The following CPT1A variants were observed in gnomAD, a reference collection of about 807,000 sequenced individuals.
The protein encoded by CPT1A is carnitine O-palmitoyltransferase 1, liver isoform.
Under a neutral mutation model 100.8 loss-of-function variants are expected in CPT1A, and 64 were observed. The observed-to-expected ratio is 0.63, with a 90% CI of 0.52 to 0.78. CPT1A has a LOEUF of 0.78. CPT1A is among the 30% of genes least tolerant of loss of function. CPT1A has a pLI of 0.00. For synonymous variants in CPT1A, 363 were observed against 396.0 expected (o/e 0.92, Z 0.99); for missense variants, 802 against 1,034.1 (o/e 0.78, Z 3.08).
chr11:68,782,671 T>A (rs957514742), intron 10 of CPT1A, among the ~76,000 whole-genome samples: 2 of 152,124 alleles, frequency 1.3e-5, no homozygotes, highest in African/African-American at 4.8e-5. Context: ...TCACTCCAGC[T>A]CCTCCAGGAC....
intron 3 of CPT1A, among the ~76,000 whole-genome samples, chr11:68,811,040 T>C (rs1468718745): frequency 2.0e-5 from 3 of 152,204 alleles, no homozygotes; most frequent in Non-Finnish European, 4.4e-5. Flanking sequence ...TTTACGTCTC[T>C]TTTTCTGCCG....
chr11:68,806,821 T>C (rs1190793136), intron 4 of CPT1A, among the ~76,000 whole-genome samples: 2 of 151,796 alleles, frequency 1.3e-5, no homozygotes, highest in South Asian at 2.1e-4. Context: ...CCCAGAAACT[T>C]GGGAGGCTGA....
chr11:68,827,728 G>C lies in CPT1A; in HGVS notation c.-13-12241C>G, dbSNP rs372682368. 7.9e-5 allele frequency among the ~76,000 whole-genome samples: 12 copies of C among 152,036 alleles called. 1 individual carries two copies. In the East Asian group the frequency reaches 1.7e-3, roughly 22 times the overall value. The stretch of plus-strand genomic sequence containing the variant: ...CTCCTCTCCCTGTCCCCAGAATGCG[G>C]GGCTCATCTTTCCCTACGTATTTGA... On this transcript the variant is annotated intron_variant, in intron 1 of 18. Coordinates refer to ENST00000265641, the MANE Select transcript of CPT1A (RefSeq NM_001876.4).
rs778544683 is a variant in CPT1A, at chr11:68,762,627, C to T, written c.1875G>A (p.Thr625=). Residue 625 remains threonine (T), a splice_region_variant and synonymous_variant, in exon 15 of 19, where the codon ACG becomes ACA. Coordinates refer to ENST00000265641, the MANE Select transcript of CPT1A (RefSeq NM_001876.4). ...FVRAMVDPAQ[T]VEQRLKLFKL... ...TGTCCTCAGCCTGATGGCACATTAC[C>T]GTCTGGGCCGGGTCCACCATGGCCC... 5.6e-6 allele frequency: 9 copies of T among 1,613,522 alleles called. No individual in the cohort carries two copies. Among genetic ancestry groups the T allele is most frequent in the South Asian group, 1.1e-5 (1 of 91,074 alleles).
intron 9 of CPT1A, among the ~76,000 whole-genome samples, chr11:68,790,219 C>T (rs1323218420): frequency 6.6e-6 from 1 of 152,020 alleles, no homozygotes; most frequent in Non-Finnish European, 1.5e-5. Flanking sequence ...CACAGGTACA[C>T]ACCACTATGT....
intron 5 of CPT1A, among the ~76,000 whole-genome samples, chr11:68,801,487 G>T (rs541600649): frequency 6.6e-6 from 1 of 151,964 alleles, no homozygotes; most frequent in Non-Finnish European, 1.5e-5. Flanking sequence ...AAAATTAGCC[G>T]GGTGTGGTGG....
At chr11:68,824,656 C>T (rs1856675009) in intron 1 of CPT1A, among the ~76,000 whole-genome samples, 2 of 152,160 alleles carry the variant, frequency 1.3e-5, no homozygotes, top group African/African-American at 4.8e-5. Flanking sequence ...GCTCTGGGTT[C>T]AAGCAATCCT....
chr11:68,817,251 A>G (rs1014719079), intron 1 of CPT1A, among the ~76,000 whole-genome samples: 2 of 151,882 alleles, frequency 1.3e-5, no homozygotes, highest in African/African-American at 4.8e-5. Flanking sequence ...TCTGAAGGTG[A>G]GATCAAAATC....
intron 5 of CPT1A, among the ~76,000 whole-genome samples, chr11:68,801,923 A>C (rs1333407993): frequency 6.6e-6 from 1 of 152,158 alleles, no homozygotes; most frequent in Non-Finnish European, 1.5e-5. Context: ...AGGTGGATAA[A>C]CTGTGGTCCT....
At chr11:68,793,449 G>C (rs1855672730) in intron 8 of CPT1A, 47 bp from the exon 9 acceptor site, 3 of 1,509,854 alleles carry the variant, frequency 2.0e-6, no homozygotes, top group Non-Finnish European at 2.7e-6. Flanking sequence ...TCCCACAGAA[G>C]AAAAGCAGCA....
intron 9 of CPT1A, among the ~76,000 whole-genome samples, chr11:68,786,345 A>T (rs892207331): frequency 6.6e-6 from 1 of 152,170 alleles, no homozygotes; most frequent in Non-Finnish European, 1.5e-5. Context: ...TGGGTGACAG[A>T]GCAAGATCCT....
Position 68,784,963 on chromosome 11 carries a change from G to C in CPT1A, c.1015C>G (p.Arg339Gly). Residue 339 changes from arginine (R) to glycine (G), a missense_variant, in exon 10 of 19, where the codon CGA (arginine) becomes GGA (glycine). Physicochemically the swap from Arg to Gly is moderately radical, Grantham distance 125 (BLOSUM62 -2). Around this residue, in one of 4 missense-constraint regions of CPT1A, gnomAD observed 627 missense variants for 799.3 expected, o/e 0.78. Coordinates refer to ENST00000265641, the MANE Select transcript of CPT1A (RefSeq NM_001876.4). ...AGCCAGACCTTGAAGTAGCGTCCTC[G>C]ATGGTACACGACGATGTGCTTGCTG... ...RDSKHIVVYH[R>G]GRYFKVWLYH... 1 of 1,614,008 alleles carries C rather than the reference G, an allele frequency of 6.2e-7. No homozygotes were observed.
chr11:68,757,874 T>C (rs1946722236), intron 18 of CPT1A, 144 bp from the exon 19 acceptor site: 2 of 733,920 alleles, frequency 2.7e-6, no homozygotes, highest in South Asian at 3.0e-5. Flanking sequence ...TCTTAAAGCT[T>C]AACTTAGACA....
chr11:68,838,984 T>C (rs1857091636), intron 1 of CPT1A, among the ~76,000 whole-genome samples: 1 of 152,180 alleles, frequency 6.6e-6, no homozygotes, highest in African/African-American at 2.4e-5. Flanking sequence ...GTGAGGCCTC[T>C]TTAAAGTGTG....
intron 9 of CPT1A, chr11:68,786,013 G>T: frequency 1.4e-6 from 1 of 702,312 alleles, no homozygotes; most frequent in South Asian, 1.5e-5. Context: ...GATGCACAGT[G>T]ACAGCTGATC....
chr11:68,836,360 C>A (rs1857009639), intron 1 of CPT1A, among the ~76,000 whole-genome samples: 1 of 151,672 alleles, frequency 6.6e-6, no homozygotes, highest in Admixed American at 6.6e-5. Context: ...GCCTGTGGTC[C>A]TAGCTATGTA....
chr11:68,791,951 A>G (rs1052612661), intron 9 of CPT1A, among the ~76,000 whole-genome samples: 5 of 152,176 alleles, frequency 3.3e-5, no homozygotes, highest in South Asian at 2.1e-4. Context: ...AGGCTCCCCA[A>G]TGACCACCAC....
At chr11:68,804,208 G>T in intron 4 of CPT1A, 107 bp from the exon 5 acceptor site, 1 of 813,260 alleles carries the variant, frequency 1.2e-6, no homozygotes, top group Non-Finnish European at 2.1e-6. Flanking sequence ...GTTAGTACTT[G>T]GATGGGAGAA....
At chr11:68,811,908 T>C (rs1856221956) in intron 3 of CPT1A, among the ~76,000 whole-genome samples, 2 of 151,702 alleles carry the variant, frequency 1.3e-5, no homozygotes, top group Admixed American at 1.3e-4. Flanking sequence ...TAGCAAGAAA[T>C]AAGCCCCAGG....
Sources: gnomAD v4.1 joint callset for allele counts (sites outside exome capture counted in the v4.1 genomes callset) on GRCh38, gnomAD v4.1.1 for gene constraint, gnomAD v4.1.1 regional missense constraint, MANE v1.5 for transcripts, NCBI Gene and HGNC (gene_info 2026-07-23, HGNC 2026-07-21) for gene names.